The following CACNA1C variants were observed in gnomAD, a reference collection of about 807,000 sequenced individuals.
The protein encoded by CACNA1C is calcium voltage-gated channel subunit alpha1 C.
A neutral mutation model predicts 229.0 loss-of-function variants in CACNA1C; 30 were observed. That is an observed-to-expected ratio of 0.13 (90% CI 0.10 to 0.18). The LOEUF is 0.18. Ranked by LOEUF, CACNA1C falls within the 10% of genes least tolerant of loss-of-function variation. The probability of loss-of-function intolerance (pLI) is 1.00; values close to 1 mark genes in which losing one functional copy is unlikely to be tolerated. For missense variants in CACNA1C, 1,658 were observed against 2,845.0 expected (o/e 0.58, Z 9.49); for synonymous variants, 1,114 against 1,132.5 (o/e 0.98, Z 0.33).
At chr12:2,404,563 A>G (rs1324361878) in intron 3 of CACNA1C, among the ~76,000 whole-genome samples, 2 of 152,134 alleles carry the variant, frequency 1.3e-5, no homozygotes, top group Non-Finnish European at 2.9e-5. Flanking sequence ...TTCCTCTCAG[A>G]AGCTGGCTTG....
At chr12:2,541,810 G>A (rs763260392) in intron 9 of CACNA1C, among the ~76,000 whole-genome samples, 6 of 152,236 alleles carry the variant, frequency 3.9e-5, no homozygotes, top group Admixed American at 1.3e-4. Context: ...GGACAAAGTC[G>A]AAGCTATTTT....
At chr12:2,274,605 C>G (rs2086845609) in intron 3 of CACNA1C, among the ~76,000 whole-genome samples, 1 of 152,176 alleles carries the variant, frequency 6.6e-6, no homozygotes, top group South Asian at 2.1e-4. Flanking sequence ...TCACACGGTC[C>G]CTGCATAAGC....
intron 3 of CACNA1C, among the ~76,000 whole-genome samples, chr12:2,437,693 T>G (rs1241179312): frequency 6.7e-6 from 1 of 149,382 alleles, no homozygotes; most frequent in African/African-American, 2.5e-5. Flanking sequence ...GGAGGTGGTG[T>G]TGGTGGTGGC....
chr12:2,633,564 T>C lies in CACNA1C; in HGVS notation c.3829-733T>C. ...TGGACGATGATTCTGATGGTGGTGTTGCTCTGTTCTTGTCTGTCTAATATT... is the reference window on the plus strand; with the variant it reads ...TGGACGATGATTCTGATGGTGGTGTCGCTCTGTTCTTGTCTGTCTAATATT... On this transcript the variant is annotated intron_variant, in intron 29 of 46. Coordinates refer to ENST00000399655, the MANE Select transcript of CACNA1C (RefSeq NM_000719.7). This position sits in a 1 kb window ranked among gnomAD's most constrained non-coding sequence, Gnocchi z 5.8. The C allele has an allele frequency of 2.2e-6, 2 of 922,884 alleles. No individual in the cohort carries two copies. The highest frequency in any genetic ancestry group is 3.6e-6 in the Non-Finnish European group (2 of 553,190). The allele number at this position is 922,884 out of a possible 1,614,324, so 57.2% of individuals were successfully genotyped here.
intron 5 of CACNA1C, among the ~76,000 whole-genome samples, chr12:2,473,887 A>G (rs2099605869): frequency 6.6e-6 from 1 of 152,234 alleles, no homozygotes; most frequent in South Asian, 2.1e-4. Context: ...ATGTGACCCT[A>G]AGAGCATTTT....
intron 9 of CACNA1C, among the ~76,000 whole-genome samples, chr12:2,516,425 G>A (rs766376647): frequency 2.0e-5 from 3 of 152,136 alleles, no homozygotes; most frequent in African/African-American, 4.8e-5. Context: ...GAAGCAACAC[G>A]ATCTGACAGA....
intron 3 of CACNA1C, among the ~76,000 whole-genome samples, chr12:2,377,723 G>T (rs2098118156): frequency 6.6e-6 from 1 of 152,330 alleles, no homozygotes; most frequent in East Asian, 1.9e-4. Flanking sequence ...GCTGAGTAAA[G>T]TGAGGTTCAC....
intron 3 of CACNA1C, among the ~76,000 whole-genome samples, chr12:2,265,507 C>T (rs1000804533): frequency 6.6e-6 from 1 of 152,140 alleles, no homozygotes. Flanking sequence ...ACTCCTGTAC[C>T]CTATCTCATT....
At chr12:2,190,636 TG>T (rs1420454089) in intron 3 of CACNA1C, among the ~76,000 whole-genome samples, 2 of 152,042 alleles carry the variant, frequency 1.3e-5, no homozygotes, top group Non-Finnish European at 2.9e-5. Flanking sequence ...CAGGTGTGTT[TG>T]TGGAAAATGG....
intron 3 of CACNA1C, among the ~76,000 whole-genome samples, chr12:2,303,816 C>T (rs1052590361): frequency 6.6e-6 from 1 of 152,198 alleles, no homozygotes; most frequent in Admixed American, 6.5e-5. Flanking sequence ...GTCTGATGTC[C>T]AAGGAGGCCC....
intron 3 of CACNA1C, among the ~76,000 whole-genome samples, chr12:2,333,474 C>T (rs1453351736): frequency 3.3e-5 from 5 of 152,196 alleles, no homozygotes; most frequent in Admixed American, 3.3e-4. Context: ...AACAAGCATC[C>T]TTCCTGCGTT....
chr12:2,084,439 T>C (rs1004997046), intron 1 of CACNA1C, among the ~76,000 whole-genome samples: 1 of 152,248 alleles, frequency 6.6e-6, no homozygotes, highest in Admixed American at 6.5e-5. Context: ...CATTTTCTTA[T>C]AGCCCTCCAG....
chr12:2,249,833 C>T (rs1309814777), intron 3 of CACNA1C, among the ~76,000 whole-genome samples: 2 of 149,268 alleles, frequency 1.3e-5, no homozygotes, highest in African/African-American at 2.5e-5. Context: ...TGCAGTGGCG[C>T]GATCCTGGCT....
At chr12:2,402,008 G>T (rs1440158629) in intron 3 of CACNA1C, among the ~76,000 whole-genome samples, 1 of 152,250 alleles carries the variant, frequency 6.6e-6, no homozygotes, top group Non-Finnish European at 1.5e-5. Context: ...TAAACATGGT[G>T]AATTTCCTTT....
At chr12:2,166,734 G>C (rs1328825467) in intron 3 of CACNA1C, among the ~76,000 whole-genome samples, 1 of 152,174 alleles carries the variant, frequency 6.6e-6, no homozygotes, top group African/African-American at 2.4e-5. Flanking sequence ...CTCAATAAAA[G>C]TTAGCTGAAA....
intron 3 of CACNA1C, among the ~76,000 whole-genome samples, chr12:2,194,706 T>C (rs1235755468): frequency 6.6e-6 from 1 of 152,164 alleles, no homozygotes; most frequent in African/African-American, 2.4e-5. Flanking sequence ...TTATCACTTA[T>C]GTTCCAGCAG....
intron 9 of CACNA1C, among the ~76,000 whole-genome samples, chr12:2,526,872 G>C (rs577796740): frequency 1.9e-4 from 29 of 152,266 alleles, no homozygotes; most frequent in African/African-American, 7.0e-4. Flanking sequence ...TAGTTCCTCC[G>C]ACTGAAGAAA....
At chr12:2,056,544 A>T (rs1180048654) in intron 1 of CACNA1C, among the ~76,000 whole-genome samples, 1 of 152,244 alleles carries the variant, frequency 6.6e-6, no homozygotes, top group Non-Finnish European at 1.5e-5. Flanking sequence ...AGTGCAAGAC[A>T]CACTGTGCTT....
At chr12:2,294,787 C>T (rs954846480) in intron 3 of CACNA1C, among the ~76,000 whole-genome samples, 14 of 152,142 alleles carry the variant, frequency 9.2e-5, no homozygotes, top group Non-Finnish European at 2.9e-5. Flanking sequence ...GTCACACTGA[C>T]CCAGACAAGT....
Sources: gnomAD v4.1 joint callset for allele counts (sites outside exome capture counted in the v4.1 genomes callset) on GRCh38, gnomAD v4.1.1 for gene constraint, Gnocchi (gnomAD v3.1) non-coding constraint, MANE v1.5 for transcripts, NCBI Gene and HGNC (gene_info 2026-07-23, HGNC 2026-07-21) for gene names.